APCDD1L: variants seen among roughly 807,000 people sequenced by gnomAD.
APCDD1L encodes the protein APC down-regulated 1 like, also known as protein APCDD1-like.
A neutral mutation model predicts 24.2 loss-of-function variants in APCDD1L; 21 were observed. The observed-to-expected ratio is 0.87, with a 90% confidence interval of 0.61 to 1.25. The LOEUF is 1.25. Ranked by LOEUF, APCDD1L falls within the 50% of genes most tolerant of loss-of-function variation. APCDD1L has a pLI of 0.00. For missense variants in APCDD1L, 704 were observed against 711.7 expected (o/e 0.99, Z 0.12); for synonymous variants, 321 against 323.6 (o/e 0.99, Z 0.09).
rs548406397 is a variant in APCDD1L at position 58,488,086 on chromosome 20, A to T, written c.50-17339T>A. Among the ~76,000 whole-genome samples, 6 of 152,286 alleles carry T rather than the reference A, an allele frequency of 3.9e-5. No homozygotes were observed. In the East Asian group the frequency reaches 7.7e-4, roughly 20 times the overall value. On this transcript the variant is annotated intron_variant, in intron 1 of 3. Coordinates refer to ENST00000371149, the MANE Select transcript of APCDD1L (RefSeq NM_153360.3). ...ACCTGCAGTCAACCATGATCTGGAAATATTAAATGGAAAATTCCAGAAATA... is the reference window on the plus strand; with the variant it reads ...ACCTGCAGTCAACCATGATCTGGAATTATTAAATGGAAAATTCCAGAAATA...
chr20:58,466,590 C>T (rs976688914), intron 3 of APCDD1L, among the ~76,000 whole-genome samples: 1 of 152,268 alleles, frequency 6.6e-6, no homozygotes, highest in African/African-American at 2.4e-5. Flanking sequence ...GATCGTCGGC[C>T]TGACCCGTGC....
Position 58,467,358 on chromosome 20 carries a change from A to T in APCDD1L, c.489T>A (p.Pro163=), listed in dbSNP as rs1230608712. ...RAGRDCARRL[P]PARAWLPGAL... ...CCCCAGGCAGCCAGGCCCGGGCCGG[A>T]GGCAGCCGCCGCGCGCAGTCCCGGC... Residue 163 remains proline, a synonymous_variant, in exon 3 of 4, where the codon CCT becomes CCA. Coordinates refer to ENST00000371149, the MANE Select transcript of APCDD1L (RefSeq NM_153360.3). This position sits in a 1 kb window ranked among gnomAD's most constrained non-coding sequence, Gnocchi z 5.9. The T allele has an allele frequency of 3.4e-6, 5 of 1,475,254 alleles. No individual in the cohort carries two copies. Among genetic ancestry groups the T allele is most frequent in the Non-Finnish European group, 4.5e-6 (5 of 1,122,160 alleles). 91.4% of individuals were successfully genotyped at this position (1,475,254 alleles called of 1,614,324 possible).
intron 1 of APCDD1L, among the ~76,000 whole-genome samples, chr20:58,487,709 C>CTA (rs1392341439): frequency 6.6e-6 from 1 of 152,142 alleles, no homozygotes; most frequent in East Asian, 1.9e-4. Flanking sequence ...ATAAAAAGCA[C>CTA]TATTAGGGAT....
In APCDD1L at chr20:58,476,100, A is replaced by G. The variant is rs137906901; in HGVS notation, c.50-5353T>C. ...GGGGGTTACATTCAACCCACAGCAG[A>G]TAACAAGGGCCATCCAAAATTGAGG... is the stretch of plus-strand genomic sequence containing the variant. On this transcript the variant is annotated intron_variant, in intron 1 of 3. Coordinates refer to ENST00000371149, the MANE Select transcript of APCDD1L (RefSeq NM_153360.3). 3.1e-3 allele frequency among the ~76,000 whole-genome samples: 469 copies of G among 152,348 alleles called. 11 individuals are homozygous for G. The highest frequency in any genetic ancestry group is 0.028 in the Admixed American group (428 of 15,304).
In APCDD1L at chr20:58,494,907, C is replaced by T. The variant is rs1055039872; in HGVS notation, c.49+19752G>A. Among the ~76,000 whole-genome samples, 1 of 152,168 alleles carries T rather than the reference C, an allele frequency of 6.6e-6. No homozygotes were observed. ...TCTGCCAGGAATGCTCTTTTTGGGC[C>T]TTCTGGCTCATTCTCCTCCTTCAGC... On this transcript the variant is annotated intron_variant, in intron 1 of 3. Transcript: ENST00000371149. The surrounding 1 kb of genome is among the most constrained non-coding windows in gnomAD (Gnocchi z 4.8).
intron 1 of APCDD1L, among the ~76,000 whole-genome samples, chr20:58,507,350 G>A (rs979563117): frequency 1.3e-5 from 2 of 152,284 alleles, no homozygotes; most frequent in Non-Finnish European, 2.9e-5. Context: ...TATCAGCAGG[G>A]TGAAAATGAG....
At chr20:58,490,637 GTGAAAGACAA>G (rs1299175023) in intron 1 of APCDD1L, among the ~76,000 whole-genome samples, 1 of 152,204 alleles carries the variant, frequency 6.6e-6, no homozygotes, top group Non-Finnish European at 1.5e-5. Context: ...GAAAGAACCA[GTGAAAGACAA>G]TGTGGGAAGA....
chr20:58,505,103 C>G (rs1164573207), intron 1 of APCDD1L, among the ~76,000 whole-genome samples: 12 of 152,172 alleles, frequency 7.9e-5, no homozygotes, highest in Admixed American at 6.5e-4. Flanking sequence ...TTCCCCCTCC[C>G]AGAGATAACT....
chr20:58,475,626 C>A (rs1169603984), intron 1 of APCDD1L, among the ~76,000 whole-genome samples: 1 of 152,148 alleles, frequency 6.6e-6, no homozygotes. Flanking sequence ...GTGAACTCGT[C>A]ACCTCACCTG....
intron 1 of APCDD1L, among the ~76,000 whole-genome samples, chr20:58,503,664 C>T (rs183932081): frequency 3.7e-4 from 56 of 152,232 alleles, no homozygotes; most frequent in Non-Finnish European, 6.0e-4. Context: ...TTGTTTTTAA[C>T]GCACACTGAG....
At chr20:58,507,531 C>A (rs768274889) in intron 1 of APCDD1L, among the ~76,000 whole-genome samples, 2 of 152,082 alleles carry the variant, frequency 1.3e-5, no homozygotes, top group Non-Finnish European at 2.9e-5. Flanking sequence ...CCACCCACAC[C>A]CCCACACACA....
chr20:58,496,247 G>A (rs899112028), intron 1 of APCDD1L, among the ~76,000 whole-genome samples: 3 of 152,204 alleles, frequency 2.0e-5, no homozygotes, highest in African/African-American at 7.2e-5. Context: ...AGAGGGGCTC[G>A]CAGTGGGCAG....
rs1305102936 is a variant in APCDD1L, at chr20:58,514,993, C to T, written c.-286G>A. ...GCGCAGCGCGCACAGCCCCCTGGTGCAGCTCCTGCCATTCAGACCCCCAGC... is the reference window on the plus strand; with the variant it reads ...GCGCAGCGCGCACAGCCCCCTGGTGTAGCTCCTGCCATTCAGACCCCCAGC... On this transcript the variant is annotated 5_prime_UTR_variant, in exon 1 of 4. Transcript: ENST00000371149. The T allele has an allele frequency of 6.2e-6, 2 of 322,890 alleles. No homozygotes were observed. Among genetic ancestry groups the T allele is most frequent in the Non-Finnish European group, 1.1e-5 (2 of 178,374 alleles). The allele number at this position is 322,890 out of a possible 1,614,324, so 20.0% of individuals were successfully genotyped here. A position where few individuals can be genotyped will look rare whatever the true frequency, so the allele number is the denominator to read the frequency against.
chr20:58,506,823 T>A (rs73915900), intron 1 of APCDD1L, among the ~76,000 whole-genome samples: 3,771 of 152,342 alleles, frequency 0.025, 85 homozygotes, highest in African/African-American at 0.061. Context: ...TGTCTCCTGG[T>A]GCCCAGATTT....
intron 1 of APCDD1L, among the ~76,000 whole-genome samples, chr20:58,503,579 T>A (rs1990481981): frequency 1.3e-5 from 2 of 152,228 alleles, no homozygotes; most frequent in African/African-American, 2.4e-5. Context: ...AGAGTAGAGT[T>A]GGGTATGAGC....
At chr20:58,504,285 A>C (rs1209495299) in intron 1 of APCDD1L, among the ~76,000 whole-genome samples, 1 of 152,128 alleles carries the variant, frequency 6.6e-6, no homozygotes, top group Non-Finnish European at 1.5e-5. Flanking sequence ...GATGAGCAAG[A>C]GGTCTTCTTG....
chr20:58,467,573 A>G lies in APCDD1L; in HGVS notation c.274T>C (p.Tyr92His), dbSNP rs767516340. The G allele has an allele frequency of 8.2e-6, 13 of 1,577,284 alleles. No individual in the cohort carries two copies. In the African/African-American group the frequency reaches 1.8e-4, roughly 22 times the overall value. The change falls in exon 3 of 4, where the codon TAC (tyrosine) becomes CAC (histidine). Residue 92 changes from tyrosine (Y) to histidine (H), a missense_variant. Transcript: ENST00000371149. The surrounding 1 kb of genome is among the most constrained non-coding windows in gnomAD (Gnocchi z 5.9). ...GGTTCCCCGCAGAAGGGGTCCTCGTAGTAGAACTGGTGGGCTCGAAAGAGC... is the reference window on the plus strand; with the variant it reads ...GGTTCCCCGCAGAAGGGGTCCTCGTGGTAGAACTGGTGGGCTCGAAAGAGC... ...SRLFRAHQFY[Y>H]EDPFCGEPAH...
chr20:58,506,139 A>C (rs1314216085), intron 1 of APCDD1L, among the ~76,000 whole-genome samples: 1 of 151,606 alleles, frequency 6.6e-6, no homozygotes, highest in African/African-American at 2.4e-5. Flanking sequence ...AGAAACACCT[A>C]GTACCGTCCT....
intron 3 of APCDD1L, among the ~76,000 whole-genome samples, chr20:58,464,867 T>A (rs943948823): frequency 4.6e-5 from 7 of 151,724 alleles, no homozygotes; most frequent in Non-Finnish European, 1.0e-4. Context: ...TTTTTTTTTT[T>A]TTCTCCCAAG....
Sources: gnomAD v4.1 joint callset for allele counts (sites outside exome capture counted in the v4.1 genomes callset) on GRCh38, gnomAD v4.1.1 for gene constraint, Gnocchi (gnomAD v3.1) non-coding constraint, MANE v1.5 for transcripts, NCBI Gene and HGNC (gene_info 2026-07-23, HGNC 2026-07-21) for gene names.